The following CACNA2D3 variants were observed in gnomAD, a reference collection of about 807,000 sequenced individuals.
CACNA2D3 encodes calcium voltage-gated channel auxiliary subunit alpha2delta 3, also known as voltage-dependent calcium channel subunit alpha-2/delta-3.
In CACNA2D3, 60 loss-of-function variants were observed where a neutral mutation model predicts 160.6. The observed-to-expected ratio is 0.37, with a 90% confidence interval of 0.30 to 0.46. The LOEUF (loss-of-function observed/expected upper bound fraction) is 0.46, where lower values mean the gene tolerates loss of function less well. Among genes scored for constraint, CACNA2D3 ranks in the 20% least tolerant of loss-of-function variants. CACNA2D3 has a pLI of 1.00. For synonymous variants in CACNA2D3, 558 were observed against 492.9 expected (o/e 1.13, Z -1.75); for missense variants, 1,205 against 1,365.0 (o/e 0.88, Z 1.85).
chr3:54,440,169 G>A (rs1374843211), intron 4 of CACNA2D3, among the ~76,000 whole-genome samples: 1 of 152,124 alleles, frequency 6.6e-6, no homozygotes, highest in Non-Finnish European at 1.5e-5. Context: ...GTGGACCTGG[G>A]GTTAGCCCTG....
chr3:54,156,618 G>T (rs968785015), intron 2 of CACNA2D3, among the ~76,000 whole-genome samples: 1 of 152,200 alleles, frequency 6.6e-6, no homozygotes, highest in Non-Finnish European at 1.5e-5. Context: ...GGCCCTTCCT[G>T]GCAGAAGTGA....
intron 2 of CACNA2D3, among the ~76,000 whole-genome samples, chr3:54,135,290 C>T (rs1699794463): frequency 6.6e-6 from 1 of 152,202 alleles, no homozygotes; most frequent in African/African-American, 2.4e-5. Context: ...CTGCAGCATC[C>T]ACAGAACGTT....
At chr3:54,459,670 T>C (rs1305572234) in intron 4 of CACNA2D3, among the ~76,000 whole-genome samples, 3 of 151,974 alleles carry the variant, frequency 2.0e-5, no homozygotes, top group South Asian at 2.1e-4. Flanking sequence ...TTCTGGATAT[T>C]AGCCCTTTGT....
chr3:54,679,827 A>G (rs960094386), intron 11 of CACNA2D3, among the ~76,000 whole-genome samples: 3 of 152,268 alleles, frequency 2.0e-5, no homozygotes, highest in Admixed American at 6.5e-5. Context: ...GCTACTGTGA[A>G]TATTTTCCAT....
chr3:54,557,924 A>G (rs1702264746), intron 5 of CACNA2D3, among the ~76,000 whole-genome samples: 1 of 152,290 alleles, frequency 6.6e-6, no homozygotes, highest in East Asian at 1.9e-4. Flanking sequence ...TACCTCAGTG[A>G]TCTGAAGGAA....
chr3:55,057,496 C>G (rs1386770125), intron 35 of CACNA2D3, among the ~76,000 whole-genome samples: 1 of 152,136 alleles, frequency 6.6e-6, no homozygotes, highest in Admixed American at 6.5e-5. Context: ...CAATAGCTAA[C>G]TGAAGTCTGT....
In CACNA2D3 at chr3:54,386,684, G is replaced by C. The variant is rs746444219; in HGVS notation, c.322-31G>C. 17 of 1,498,610 alleles carry C rather than the reference G, an allele frequency of 1.1e-5. No homozygotes were observed. The Admixed American group carries it at 3.3e-4, about 29-fold the overall frequency. 92.8% of individuals were successfully genotyped at this position (1,498,610 alleles called of 1,614,324 possible). A position where few individuals can be genotyped will look rare whatever the true frequency, so the allele number is the denominator to read the frequency against. On this transcript the variant is annotated intron_variant, in intron 3 of 37. Transcript: ENST00000474759. ...TCAGGCCACAATTCTGATCCTTAAT[G>C]CTGTCTTCTGTTTTTTTTTTTTTTT...
At chr3:54,297,332 GC>G (rs1261773757) in intron 2 of CACNA2D3, among the ~76,000 whole-genome samples, 1 of 152,134 alleles carries the variant, frequency 6.6e-6, no homozygotes, top group Non-Finnish European at 1.5e-5. Context: ...TAAGCCTAGG[GC>G]TGCTGCAGCT....
intron 27 of CACNA2D3, among the ~76,000 whole-genome samples, chr3:54,955,809 C>T (rs568572017): frequency 5.3e-5 from 8 of 152,256 alleles, no homozygotes; most frequent in African/African-American, 1.9e-4. Context: ...GCCAGCCCCA[C>T]CTCACAGCCC....
chr3:54,967,283 A>G (rs943808641), intron 27 of CACNA2D3, among the ~76,000 whole-genome samples: 1 of 152,142 alleles, frequency 6.6e-6, no homozygotes, highest in African/African-American at 2.4e-5. Context: ...ACAGCCCAAG[A>G]CCTTTATGAA....
chr3:54,527,121 A>G (rs1476208231), intron 5 of CACNA2D3, among the ~76,000 whole-genome samples: 2 of 152,208 alleles, frequency 1.3e-5, no homozygotes, highest in Non-Finnish European at 1.5e-5. Flanking sequence ...CCAGTATTTG[A>G]GATATGTCCT....
At chr3:54,347,831 A>G (rs550076741) in intron 3 of CACNA2D3, among the ~76,000 whole-genome samples, 1 of 152,118 alleles carries the variant, frequency 6.6e-6, no homozygotes, top group African/African-American at 2.4e-5. Flanking sequence ...AAATGACCTC[A>G]ATTTCCTTCC....
intron 4 of CACNA2D3, among the ~76,000 whole-genome samples, chr3:54,390,952 T>C (rs1699268921): frequency 6.6e-6 from 1 of 152,048 alleles, no homozygotes; most frequent in South Asian, 2.1e-4. Context: ...AGAAGGAACC[T>C]ACCCTATTAG....
At chr3:54,688,288 C>G (rs1323973777) in intron 11 of CACNA2D3, among the ~76,000 whole-genome samples, 4 of 152,152 alleles carry the variant, frequency 2.6e-5, no homozygotes, top group Non-Finnish European at 5.9e-5. Context: ...CAAATAGAAG[C>G]CATTTGTATC....
chr3:54,837,161 G>A lies in CACNA2D3; in HGVS notation c.1401G>A (p.Leu467=). ...ACTGGCTTTTCTCTTCCATCCAGCTGACTGATGATCAGGGCCCCGTCCTGA... is the reference window on the plus strand; with the variant it reads ...ACTGGCTTTTCTCTTCCATCCAGCTAACTGATGATCAGGGCCCCGTCCTGA... The part of the protein sequence containing the change: ...IDSTLPQAQK[L]TDDQGPVLMT... The change falls in exon 15 of 38, where the codon CTG becomes CTA. Residue 467 remains leucine (L), a splice_region_variant and synonymous_variant. Coordinates refer to ENST00000474759, the MANE Select transcript of CACNA2D3 (RefSeq NM_018398.3). 1 of 1,613,918 alleles carries A rather than the reference G, an allele frequency of 6.2e-7. No individual in the cohort carries two copies. The highest frequency in any genetic ancestry group is 8.5e-7 in the Non-Finnish European group (1 of 1,179,830).
At chr3:54,803,712 A>G (rs1464030644) in intron 13 of CACNA2D3, among the ~76,000 whole-genome samples, 1 of 152,168 alleles carries the variant, frequency 6.6e-6, no homozygotes, top group African/African-American at 2.4e-5. Context: ...GAACGCCACA[A>G]AGATACTCCT....
rs146360389 is a variant in CACNA2D3, at chr3:54,986,451, C to T, written c.2620-1232C>T. On this transcript the variant is annotated intron_variant, in intron 30 of 37. Coordinates refer to ENST00000474759, the MANE Select transcript of CACNA2D3 (RefSeq NM_018398.3). ...ACACGAAATACAAATGTCCTTCTTGCTCCTAGCAGTAGTACACGCCCACAG... is the reference window on the plus strand; with the variant it reads ...ACACGAAATACAAATGTCCTTCTTGTTCCTAGCAGTAGTACACGCCCACAG... Among the ~76,000 whole-genome samples, 148 of 152,320 alleles carry T rather than the reference C, an allele frequency of 9.7e-4. 1 individual carries two copies. The highest frequency in any genetic ancestry group is 3.0e-3 in the African/African-American group (125 of 41,580).
intron 4 of CACNA2D3, among the ~76,000 whole-genome samples, chr3:54,409,296 A>C (rs990249517): frequency 1.3e-5 from 2 of 152,178 alleles, no homozygotes; most frequent in Admixed American, 6.5e-5. Flanking sequence ...TTTGGACGTT[A>C]CTATTGTAAT....
chr3:54,338,253 A>G (rs1260669757), intron 3 of CACNA2D3, among the ~76,000 whole-genome samples: 3 of 152,252 alleles, frequency 2.0e-5, no homozygotes, highest in Non-Finnish European at 4.4e-5. Flanking sequence ...TGATGGGTGC[A>G]CAGGAATAAA....
Sources: allele counts gnomAD v4.1 joint callset (sites outside exome capture counted in the v4.1 genomes callset), GRCh38; gene constraint gnomAD v4.1.1; transcripts MANE v1.5; gene names NCBI Gene and HGNC (gene_info 2026-07-23, HGNC 2026-07-21).